SPAG16: variants seen among roughly 807,000 people sequenced by gnomAD.
SPAG16 encodes the protein sperm associated antigen 16.
SPAG16 carries 86 observed loss-of-function variants against 80.4 expected under a neutral mutation model. That is an observed-to-expected ratio of 1.07 (90% CI 0.90 to 1.28). The LOEUF (loss-of-function observed/expected upper bound fraction) is 1.28. Ranked by LOEUF, SPAG16 falls within the 50% of genes most tolerant of loss-of-function variation. The pLI, the probability that SPAG16 is intolerant of heterozygous loss-of-function variation, is 0.00. For synonymous variants in SPAG16, 294 were observed against 265.9 expected (o/e 1.11, Z -1.03); for missense variants, 870 against 765.3 (o/e 1.14, Z -1.61).
intron 15 of SPAG16, among the ~76,000 whole-genome samples, chr2:214,243,533 T>G (rs1364887698): frequency 9.9e-5 from 15 of 152,206 alleles, no homozygotes; most frequent in Non-Finnish European, 2.9e-5. Context: ...TATAATATCT[T>G]TGATATATAA....
At chr2:213,703,228 G>A (rs985143201) in intron 10 of SPAG16, among the ~76,000 whole-genome samples, 1 of 152,094 alleles carries the variant, frequency 6.6e-6, no homozygotes, top group Non-Finnish European at 1.5e-5. Flanking sequence ...TCTGATATTT[G>A]GGAATCATTT....
chr2:214,254,114 T>TA (rs1376469089), intron 15 of SPAG16, among the ~76,000 whole-genome samples: 3 of 1,020 alleles, frequency 2.9e-3, no homozygotes, highest in African/African-American at 0.013. Context: ...GTTATTGGTG[T>TA]CTGGTTTTGC....
chr2:214,369,267 A>G (rs1699668120), intron 15 of SPAG16, among the ~76,000 whole-genome samples: 1 of 149,504 alleles, frequency 6.7e-6, no homozygotes, highest in African/African-American at 2.6e-5. Context: ...TACTGTCTCA[A>G]CTTAAAGACT....
intron 9 of SPAG16, among the ~76,000 whole-genome samples, chr2:213,461,419 C>G (rs571446912): frequency 6.6e-6 from 1 of 151,986 alleles, no homozygotes; most frequent in Non-Finnish European, 1.5e-5. Context: ...GAGTGCCATT[C>G]GATGGTAATA....
intron 10 of SPAG16, among the ~76,000 whole-genome samples, chr2:213,769,084 C>CT (rs971758992): frequency 2.0e-5 from 3 of 152,094 alleles, no homozygotes; most frequent in Non-Finnish European, 4.4e-5. Flanking sequence ...AACTAGTTCA[C>CT]TTAGCATTAA....
intron 10 of SPAG16, among the ~76,000 whole-genome samples, chr2:213,703,817 C>T (rs768613024): frequency 6.6e-6 from 1 of 152,188 alleles, no homozygotes; most frequent in Non-Finnish European, 1.5e-5. Flanking sequence ...CTGAGGCTGT[C>T]TGCTGGGCTG....
intron 11 of SPAG16, among the ~76,000 whole-genome samples, chr2:213,881,360 G>A (rs184745097): frequency 3.3e-5 from 5 of 152,264 alleles, no homozygotes; most frequent in African/African-American, 1.2e-4. Context: ...AGTTCTAGCA[G>A]CCTTTTGACA....
rs59050563 is a variant in SPAG16 at position 213,711,821 on chromosome 2, G to A, written c.1071-150664G>A. 2.5e-3 allele frequency among the ~76,000 whole-genome samples: 381 copies of A among 151,856 alleles called. 3 individuals carry two copies. Among genetic ancestry groups the A allele is most frequent in the African/African-American group, 8.6e-3 (357 of 41,426 alleles). On this transcript the variant is annotated intron_variant, in intron 10 of 15. Coordinates refer to ENST00000331683, the MANE Select transcript of SPAG16 (RefSeq NM_024532.5). ...AGGTGTGAGCCACCACGCCCGACCC[G>A]TTCTTACAATTTTCTATTTTTATTT...
chr2:213,877,677 G>C (rs768678997), intron 11 of SPAG16, among the ~76,000 whole-genome samples: 1 of 152,118 alleles, frequency 6.6e-6, no homozygotes, highest in Non-Finnish European at 1.5e-5. Context: ...GGGAGAGGAT[G>C]AGGATACCAT....
chr2:213,518,741 T>G (rs986481070), intron 10 of SPAG16, among the ~76,000 whole-genome samples: 6 of 152,112 alleles, frequency 3.9e-5, no homozygotes, highest in African/African-American at 7.2e-5. Flanking sequence ...AGGTATATAC[T>G]CAAAGGAAAA....
chr2:213,900,483 A>C (rs1364081342), intron 11 of SPAG16, among the ~76,000 whole-genome samples: 1 of 152,168 alleles, frequency 6.6e-6, no homozygotes, highest in Non-Finnish European at 1.5e-5. Context: ...CTCTCCCTGC[A>C]ACAAACCGGG....
At chr2:214,137,361 A>G (rs1033521444) in intron 14 of SPAG16, among the ~76,000 whole-genome samples, 1 of 152,010 alleles carries the variant, frequency 6.6e-6, no homozygotes, top group East Asian at 1.9e-4. Context: ...ATCTAATGAC[A>G]TATATATTTG....
intron 10 of SPAG16, among the ~76,000 whole-genome samples, chr2:213,519,390 T>A (rs1331336980): frequency 6.6e-6 from 1 of 152,222 alleles, no homozygotes; most frequent in Non-Finnish European, 1.5e-5. Context: ...GGGAGATAAT[T>A]GAATCATGGG....
chr2:213,338,838 A>G (rs922766047), intron 5 of SPAG16, among the ~76,000 whole-genome samples: 8 of 152,014 alleles, frequency 5.3e-5, no homozygotes, highest in Admixed American at 5.2e-4. Flanking sequence ...CAGGAAAGGG[A>G]ACCACACACA....
chr2:213,807,633 A>C lies in SPAG16; in HGVS notation c.1071-54852A>C, dbSNP rs75331376. Among the ~76,000 whole-genome samples, 1,294 of 152,302 alleles carry C rather than the reference A, an allele frequency of 8.5e-3. 23 individuals are homozygous for C. The highest frequency in any genetic ancestry group is 0.028 in the African/African-American group (1,171 of 41,560). The stretch of plus-strand genomic sequence containing the variant: ...ACCTATTTTCTTGTCAAGTGGGAAA[A>C]AGTAATTGTACAGGAGAATGGCCAC... On this transcript the variant is annotated intron_variant, in intron 10 of 15. Coordinates refer to ENST00000331683, the MANE Select transcript of SPAG16 (RefSeq NM_024532.5).
At chr2:214,389,515 T>C (rs1336349889) in intron 15 of SPAG16, among the ~76,000 whole-genome samples, 1 of 152,234 alleles carries the variant, frequency 6.6e-6, no homozygotes, top group East Asian at 1.9e-4. Context: ...AAGAGCAGCA[T>C]GTGTCAGAAG....
chr2:213,773,539 T>A (rs1425173239), intron 10 of SPAG16, among the ~76,000 whole-genome samples: 1 of 152,106 alleles, frequency 6.6e-6, no homozygotes, highest in African/African-American at 2.4e-5. Flanking sequence ...TTTGTTTTAA[T>A]TTGGAAATTT....
chr2:213,414,917 A>G (rs2069167928), intron 9 of SPAG16, among the ~76,000 whole-genome samples: 2 of 152,224 alleles, frequency 1.3e-5, no homozygotes, highest in African/African-American at 4.8e-5. Context: ...AGTCACATGG[A>G]TGGCAGCAGG....
intron 15 of SPAG16, among the ~76,000 whole-genome samples, chr2:214,334,472 G>A (rs1323846132): frequency 3.3e-5 from 5 of 152,112 alleles, no homozygotes; most frequent in Non-Finnish European, 7.4e-5. Flanking sequence ...TTCTGAATTT[G>A]GCATAGCAAA....
Sources: gnomAD v4.1 joint callset for allele counts (sites outside exome capture counted in the v4.1 genomes callset) on GRCh38, gnomAD v4.1.1 for gene constraint, MANE v1.5 for transcripts, NCBI Gene and HGNC (gene_info 2026-07-23, HGNC 2026-07-21) for gene names.